The following IL12RB2 variants were observed in gnomAD, a reference collection of about 807,000 sequenced individuals.
IL12RB2 encodes the protein interleukin 12 receptor subunit beta 2, also known as interleukin-12 receptor subunit beta-2.
Under a neutral mutation model 89.4 loss-of-function variants are expected in IL12RB2, and 82 were observed. The observed-to-expected ratio is 0.92, with a 90% CI of 0.77 to 1.10. The LOEUF (loss-of-function observed/expected upper bound fraction) is 1.10. Among genes scored for constraint, IL12RB2 ranks in the 50% least tolerant of loss-of-function variants. The probability of loss-of-function intolerance (pLI) is 0.00; values close to 1 mark genes in which losing one functional copy is unlikely to be tolerated. For missense variants in IL12RB2, 963 were observed against 1,031.9 expected (o/e 0.93, Z 0.92); for synonymous variants, 368 against 370.1 (o/e 0.99, Z 0.07).
At chr1:67,343,482 A>T (rs1659883537) in intron 9 of IL12RB2, among the ~76,000 whole-genome samples, 1 of 152,252 alleles carries the variant, frequency 6.6e-6, no homozygotes, top group Non-Finnish European at 1.5e-5. Context: ...TGTTAAAACC[A>T]CAAATGCAAT....
intron 13 of IL12RB2, among the ~76,000 whole-genome samples, chr1:67,378,866 A>AC (rs1664261654): frequency 6.7e-6 from 1 of 149,078 alleles, no homozygotes; most frequent in African/African-American, 2.5e-5. Flanking sequence ...AAAAAAAAAA[A>AC]AAAAAAATGT....
intron 10 of IL12RB2, among the ~76,000 whole-genome samples, chr1:67,353,072 T>A (rs1661022236): frequency 6.6e-6 from 1 of 152,246 alleles, no homozygotes; most frequent in African/African-American, 2.4e-5. Context: ...TGAAAAATTG[T>A]TTGAAACAGT....
At chr1:67,390,797 C>T (rs1665730017) in intron 16 of IL12RB2, among the ~76,000 whole-genome samples, 1 of 152,114 alleles carries the variant, frequency 6.6e-6, no homozygotes, top group Non-Finnish European at 1.5e-5. Context: ...AATATGAAGA[C>T]TACATTTAAG....
At chr1:67,366,847 A>G (rs537652928) in intron 10 of IL12RB2, among the ~76,000 whole-genome samples, 6 of 152,314 alleles carry the variant, frequency 3.9e-5, no homozygotes, top group African/African-American at 7.2e-5. Flanking sequence ...GGGTTTAGGT[A>G]GCAATCTGAA....
chr1:67,326,110 A>G (rs1421417703), intron 4 of IL12RB2, among the ~76,000 whole-genome samples: 5 of 152,218 alleles, frequency 3.3e-5, no homozygotes, highest in Non-Finnish European at 5.9e-5. Flanking sequence ...CAGAAATTAG[A>G]TTTAGATGGT....
At chr1:67,361,564 G>A (rs2100928102) in intron 10 of IL12RB2, among the ~76,000 whole-genome samples, 1 of 152,248 alleles carries the variant, frequency 6.6e-6, no homozygotes, top group South Asian at 2.1e-4. Context: ...TGGGGGAGGA[G>A]TTTTTGAGCT....
At chr1:67,312,168 G>A (rs907066067) in intron 1 of IL12RB2, among the ~76,000 whole-genome samples, 6 of 152,194 alleles carry the variant, frequency 3.9e-5, no homozygotes, top group African/African-American at 1.4e-4. Context: ...GGCAGAAATG[G>A]AGGAACCAAG....
intron 13 of IL12RB2, 80 bp from the exon 14 acceptor site, chr1:67,379,906 A>T: frequency 9.2e-7 from 1 of 1,091,096 alleles, no homozygotes. Flanking sequence ...ATGAAGCATT[A>T]AAGAGTAAGA....
At chr1:67,357,668 A>G (rs1289321245) in intron 10 of IL12RB2, among the ~76,000 whole-genome samples, 1 of 152,216 alleles carries the variant, frequency 6.6e-6, no homozygotes, top group Admixed American at 6.5e-5. Flanking sequence ...AGAGTGGTCA[A>G]TTACATCTAT....
chr1:67,388,028 A>C (rs928645894), intron 15 of IL12RB2, among the ~76,000 whole-genome samples: 10 of 152,068 alleles, frequency 6.6e-5, no homozygotes, highest in African/African-American at 2.4e-4. Flanking sequence ...AAATACAAAA[A>C]TTAGTCAGCC....
intron 14 of IL12RB2, among the ~76,000 whole-genome samples, chr1:67,385,694 T>C (rs796464324): frequency 7.2e-5 from 11 of 152,366 alleles, no homozygotes; most frequent in African/African-American, 2.4e-4. Flanking sequence ...ATGCTGTAGT[T>C]CTTTTCATAG....
At chr1:67,374,172 C>T (rs1405579144) in intron 13 of IL12RB2, among the ~76,000 whole-genome samples, 2 of 152,202 alleles carry the variant, frequency 1.3e-5, no homozygotes. Context: ...CTTTCTACAT[C>T]CATCCATGTG....
At chr1:67,309,112 T>C (rs1000613550) in intron 1 of IL12RB2, among the ~76,000 whole-genome samples, 1 of 152,038 alleles carries the variant, frequency 6.6e-6, no homozygotes, top group African/African-American at 2.4e-5. Context: ...AATTAGTCCT[T>C]TTTTCCCCAT....
chr1:67,313,280 G>A (rs1569682415), intron 1 of IL12RB2, among the ~76,000 whole-genome samples: 1 of 152,256 alleles, frequency 6.6e-6, no homozygotes, highest in East Asian at 1.9e-4. Flanking sequence ...TTTGAGGGAG[G>A]TGGGCCTCAG....
intron 8 of IL12RB2, among the ~76,000 whole-genome samples, chr1:67,336,656 T>G (rs1658805155): frequency 6.6e-6 from 1 of 151,932 alleles, no homozygotes; most frequent in Non-Finnish European, 1.5e-5. Context: ...AAGGAAGTAA[T>G]GAAGGAGAGG....
chr1:67,378,556 A>G (rs1450549416), intron 13 of IL12RB2, among the ~76,000 whole-genome samples: 1 of 152,216 alleles, frequency 6.6e-6, no homozygotes, highest in Non-Finnish European at 1.5e-5. Context: ...TCAAAGTTTA[A>G]AAATGTTAAG....
chr1:67,318,279 A>G (rs1195112321), intron 2 of IL12RB2, among the ~76,000 whole-genome samples: 1 of 152,180 alleles, frequency 6.6e-6, no homozygotes, highest in Non-Finnish European at 1.5e-5. Flanking sequence ...TGTGTGTGGT[A>G]TGGGCTGTGG....
At chr1:67,366,839 G>T (rs1311536295) in intron 10 of IL12RB2, among the ~76,000 whole-genome samples, 1 of 152,062 alleles carries the variant, frequency 6.6e-6, no homozygotes, top group Non-Finnish European at 1.5e-5. Context: ...CAAGTAAAGG[G>T]TTTAGGTAGC....
rs184280485 is a variant in IL12RB2 at position 67,315,699 on chromosome 1, G to A, written c.-37+1699G>A. 6.6e-5 allele frequency among the ~76,000 whole-genome samples: 10 copies of A among 152,332 alleles called. 1 individual carries two copies. The highest frequency in any genetic ancestry group is 5.9e-4 in the Admixed American group (9 of 15,304). On this transcript the variant is annotated intron_variant, in intron 2 of 16. Coordinates refer to ENST00000674203, the MANE Select transcript of IL12RB2 (RefSeq NM_001374259.2). Reference sequence around the variant, plus strand: ...GTCAGTTACTTAAATATTGGATTGAGCAAAGAATAGTAACCTATAAAAATG... The same window carrying A: ...GTCAGTTACTTAAATATTGGATTGAACAAAGAATAGTAACCTATAAAAATG...
Sources: gnomAD v4.1 joint callset for allele counts (sites outside exome capture counted in the v4.1 genomes callset) on GRCh38, gnomAD v4.1.1 for gene constraint, MANE v1.5 for transcripts, NCBI Gene and HGNC (gene_info 2026-07-23, HGNC 2026-07-21) for gene names.